The following ZNF334 variants were observed in gnomAD, a reference collection of about 807,000 sequenced individuals.
ZNF334 encodes the protein zinc finger protein 334.
A neutral mutation model predicts 12.4 loss-of-function variants in ZNF334; 14 were observed. The observed-to-expected ratio is 1.13, with a 90% CI of 0.74 to 1.76. ZNF334 has a LOEUF of 1.76. Ranked by LOEUF, ZNF334 falls within the 40% of genes most tolerant of loss-of-function variation. ZNF334 has a pLI of 0.00. For synonymous variants in ZNF334, 273 were observed against 269.6 expected, an observed-to-expected ratio of 1.01 and a Z score of -0.12; for missense variants, 797 against 804.5, an observed-to-expected ratio of 0.99 and a Z score of 0.11.
chr20:46,510,454 G>A (rs546465790), intron 2 of ZNF334, among the ~76,000 whole-genome samples: 3 of 152,144 alleles, frequency 2.0e-5, no homozygotes, highest in Non-Finnish European at 2.9e-5. Flanking sequence ...GGCCGGGCGC[G>A]ATGGCTCACG....
chr20:46,498,050 C>T (rs1279049380), downstream of ZNF334, among the ~76,000 whole-genome samples: 2 of 152,226 alleles, frequency 1.3e-5, no homozygotes, highest in East Asian at 1.9e-4. Context: ...ACTTTACTCT[C>T]GAGCTACAAT....
the ZNF334 span, among the ~76,000 whole-genome samples, chr20:46,463,463 G>A: frequency 6.6e-6 from 1 of 152,216 alleles, no homozygotes; most frequent in East Asian, 1.9e-4. Flanking sequence ...TCCACATCCT[G>A]TGTTGGAGCA....
chr20:46,494,139 A>G, the ZNF334 span, among the ~76,000 whole-genome samples: 1 of 152,228 alleles, frequency 6.6e-6, no homozygotes, highest in African/African-American at 2.4e-5. Context: ...GCTTTCTAGT[A>G]TATGCTAACA....
the ZNF334 span, among the ~76,000 whole-genome samples, chr20:46,493,668 G>C: frequency 6.6e-6 from 1 of 152,188 alleles, no homozygotes; most frequent in African/African-American, 2.4e-5. Context: ...ATTGAATGAA[G>C]AGACTCTTTA....
chr20:46,501,480 C>A lies in ZNF334; in HGVS notation c.1859G>T (p.Arg620Ile), dbSNP rs1283478256. The change falls in exon 5 of 5, where the codon AGA becomes ATA. Residue 620 changes from arginine (R) to isoleucine (I), a missense_variant. Physicochemically the swap from Arg to Ile is moderately conservative, Grantham distance 97 (BLOSUM62 -3). Transcript: ENST00000692313. ...ATATGGTTTCTCTCCTGTGTGAATT[C>A]TTCTATGGACTCTGAAGGCTGACTT... ...CHKSAFRVHR[R>I]IHTGEKPYEC... 1 of 1,614,050 alleles carries A rather than the reference C, an allele frequency of 6.2e-7. No homozygotes were observed. The highest frequency in any genetic ancestry group is 1.7e-5 in the Admixed American group (1 of 60,026).
At chr20:46,469,163 T>C in the ZNF334 span, among the ~76,000 whole-genome samples, 1 of 152,140 alleles carries the variant, frequency 6.6e-6, no homozygotes, top group African/African-American at 2.4e-5. Context: ...ATGGTATCAG[T>C]AGACAACACT....
At chr20:46,492,231 G>A in the ZNF334 span, 2 of 152,496 alleles carry the variant, frequency 1.3e-5, no homozygotes, top group Non-Finnish European at 2.9e-5. Flanking sequence ...ATTTGCAGTA[G>A]TTGTAAAAAA....
chr20:46,499,600 A>G (rs986958153), downstream of ZNF334: 2 of 152,212 alleles, frequency 1.3e-5, no homozygotes, highest in Non-Finnish European at 2.9e-5. Flanking sequence ...CAACATTAAG[A>G]GATAAATTTA....
the ZNF334 span, among the ~76,000 whole-genome samples, chr20:46,494,173 T>C: frequency 1.2e-4 from 19 of 152,240 alleles, no homozygotes; most frequent in African/African-American, 4.3e-4. Context: ...CTGAATACAT[T>C]TGAGCCTTGT....
At chr20:46,468,737 C>G in the ZNF334 span, among the ~76,000 whole-genome samples, 1 of 152,136 alleles carries the variant, frequency 6.6e-6, no homozygotes, top group East Asian at 1.9e-4. Context: ...ACATGGCACT[C>G]ACGGGTGGGC....
At chr20:46,505,794 T>C (rs1035135518) in intron 2 of ZNF334, 3 of 153,556 alleles carry the variant, frequency 2.0e-5, no homozygotes, top group African/African-American at 4.8e-5. Context: ...TTTGACCTTG[T>C]CCTCTAAAGA....
Position 46,501,045 on chromosome 20 carries a change from G to A in ZNF334, c.*251C>T. On this transcript the variant is annotated 3_prime_UTR_variant, in exon 5 of 5. Coordinates refer to ENST00000692313, the MANE Select transcript of ZNF334 (RefSeq NM_001353824.2). ...TTTGTTTCATTATTTTAAAAGGGAG[G>A]CACATTTGGCATAACCTTTGAATTG... 1 of 420,372 alleles carries A rather than the reference G, an allele frequency of 2.4e-6. No homozygotes were observed. Among genetic ancestry groups the A allele is most frequent in the Non-Finnish European group, 4.2e-6 (1 of 238,582 alleles). 26.0% of individuals were successfully genotyped at this position (420,372 alleles called of 1,614,324 possible). A position where few individuals can be genotyped will look rare whatever the true frequency, so the allele number is the denominator to read the frequency against.
At chr20:46,492,923 C>T in the ZNF334 span, 2 of 150,206 alleles carry the variant, frequency 1.3e-5, no homozygotes, top group Admixed American at 6.6e-5. Flanking sequence ...CTCTCCTAAA[C>T]ATAGAAAAAA....
the ZNF334 span, among the ~76,000 whole-genome samples, chr20:46,471,925 C>T: frequency 6.6e-6 from 1 of 152,170 alleles, no homozygotes; most frequent in Non-Finnish European, 1.5e-5. Flanking sequence ...TTTCTAGGTA[C>T]ATTGTAATGT....
chr20:46,473,343 T>C, the ZNF334 span, among the ~76,000 whole-genome samples: 1 of 152,250 alleles, frequency 6.6e-6, no homozygotes, highest in African/African-American at 2.4e-5. Context: ...CATTGTATGG[T>C]TTCTATTTCA....
downstream of ZNF334, among the ~76,000 whole-genome samples, chr20:46,495,417 C>G (rs979329408): frequency 6.6e-6 from 1 of 151,286 alleles, no homozygotes; most frequent in Non-Finnish European, 1.5e-5. Context: ...AGACAACTGG[C>G]TGTTGAATAA....
At chr20:46,488,422 TATATATATA>T in the ZNF334 span, among the ~76,000 whole-genome samples, 2 of 118,670 alleles carry the variant, frequency 1.7e-5, no homozygotes, top group African/African-American at 7.2e-5. Context: ...TCTTATTTTA[TATATATATA>T]TATATATATA....
At chr20:46,487,281 C>T in the ZNF334 span, among the ~76,000 whole-genome samples, 1 of 152,144 alleles carries the variant, frequency 6.6e-6, no homozygotes, top group African/African-American at 2.4e-5. Context: ...TAATGGACAA[C>T]CAGCCCCATT....
In ZNF334 at chr20:46,502,695, C is replaced by G. The variant is rs763946015; in HGVS notation, c.644G>C (p.Gly215Ala). Residue 215 changes from glycine to alanine, a missense_variant, in exon 5 of 5, where the codon GGG becomes GCG. Coordinates refer to ENST00000692313, the MANE Select transcript of ZNF334 (RefSeq NM_001353824.2). The stretch of plus-strand genomic sequence containing the variant: ...AATTGCCCTCTTGAAGAAGGTTTTC[C>G]CACATTTATTATAGTCAAACGGTTG... ...LKQPFDYNKC[G>A]KTFFKRAILI... The G allele has an allele frequency of 1.2e-6, 2 of 1,613,026 alleles. No individual in the cohort carries two copies. The highest frequency in any genetic ancestry group is 1.7e-6 in the Non-Finnish European group (2 of 1,179,962).
Sources: allele counts gnomAD v4.1 joint callset (sites outside exome capture counted in the v4.1 genomes callset), GRCh38; gene constraint gnomAD v4.1.1; transcripts MANE v1.5; gene names NCBI Gene and HGNC (gene_info 2026-07-23, HGNC 2026-07-21).